The following PRKAR1B variants were observed in gnomAD, a reference collection of about 807,000 sequenced individuals.
PRKAR1B encodes the protein protein kinase cAMP-dependent type I regulatory subunit beta, also known as cAMP-dependent protein kinase type I-beta regulatory subunit.
Under a neutral mutation model 46.5 loss-of-function variants are expected in PRKAR1B, and 22 were observed. That is an observed-to-expected ratio of 0.47 (90% CI 0.34 to 0.68). The LOEUF is 0.68. Among genes scored for constraint, PRKAR1B ranks in the 30% least tolerant of loss-of-function variants. The pLI is 0.01. For synonymous variants in PRKAR1B, 259 were observed against 217.7 expected (o/e 1.19, Z -1.67); for missense variants, 445 against 535.6 (o/e 0.83, Z 1.67).
At chr7:619,659 G>T (rs1783008604) in intron 4 of PRKAR1B, among the ~76,000 whole-genome samples, 1 of 152,192 alleles carries the variant, frequency 6.6e-6, no homozygotes, top group African/African-American at 2.4e-5. Context: ...TCAGCTCTCG[G>T]CCCCACGCCA....
At chr7:610,208 G>A (rs563835003) in intron 4 of PRKAR1B, among the ~76,000 whole-genome samples, 127 of 152,286 alleles carry the variant, frequency 8.3e-4, no homozygotes, top group African/African-American at 2.9e-3. Flanking sequence ...CCAGTGACTC[G>A]AGGCTCACGT....
chr7:616,402 A>G (rs1782825946), intron 4 of PRKAR1B, among the ~76,000 whole-genome samples: 1 of 152,212 alleles, frequency 6.6e-6, no homozygotes, highest in Non-Finnish European at 1.5e-5. Context: ...TGTGCCCACC[A>G]GGCCTGCCTG....
intron 9 of PRKAR1B, among the ~76,000 whole-genome samples, chr7:558,339 A>AC (rs1233914887): frequency 6.6e-6 from 1 of 151,236 alleles, no homozygotes; most frequent in East Asian, 1.9e-4. Context: ...AAAAAAAAAA[A>AC]AAAAAAAAGG....
intron 4 of PRKAR1B, among the ~76,000 whole-genome samples, chr7:619,638 T>C (rs1783007209): frequency 6.6e-6 from 1 of 152,232 alleles, no homozygotes; most frequent in Non-Finnish European, 1.5e-5. Context: ...CATGTGTGCC[T>C]GCACCTCCTC....
chr7:620,239 T>A (rs1235739668), intron 4 of PRKAR1B, among the ~76,000 whole-genome samples: 1 of 152,196 alleles, frequency 6.6e-6, no homozygotes, highest in Non-Finnish European at 1.5e-5. Context: ...GAGATTAATG[T>A]GAGGGAGAAA....
At chr7:679,851 G>C (rs190357144) in intron 3 of PRKAR1B, among the ~76,000 whole-genome samples, 1 of 152,228 alleles carries the variant, frequency 6.6e-6, no homozygotes, top group African/African-American at 2.4e-5. Context: ...AATGGGATTT[G>C]TGCCTGTATA....
chr7:695,030 CAAAAA>C (rs924223625), intron 2 of PRKAR1B, among the ~76,000 whole-genome samples: 1 of 78,574 alleles, frequency 1.3e-5, no homozygotes. Flanking sequence ...GACTCCGTCT[CAAAAA>C]AAAAAAAAAA....
chr7:727,508 C>T (rs1447599222), upstream of PRKAR1B: 1 of 309,526 alleles, frequency 3.2e-6, no homozygotes, highest in East Asian at 5.1e-5. Flanking sequence ...GCCCCCTCCT[C>T]CCACCACCAC....
At chr7:712,238 A>C in intron 1 of PRKAR1B, among the ~76,000 whole-genome samples, 1 of 138,918 alleles carries the variant, frequency 7.2e-6, no homozygotes, top group African/African-American at 2.7e-5. Context: ...CCCGCCCCAA[A>C]CCCGGCCTCA....
rs548830236 is a variant in PRKAR1B at position 571,855 on chromosome 7, C to G, written c.891+7401G>C. On this transcript the variant is annotated intron_variant, in intron 9 of 10. Coordinates refer to ENST00000537384, the MANE Select transcript of PRKAR1B (RefSeq NM_001164760.2). ...TCCCGTCCGCGGTGAGGTGACGGAA[C>G]AGCTGGACCGTCCCCGCCTCCGGGA... is the stretch of plus-strand genomic sequence containing the variant. Among the ~76,000 whole-genome samples, 8 of 152,344 alleles carry G rather than the reference C, an allele frequency of 5.3e-5. No individual in the cohort carries two copies. The South Asian group carries it at 1.2e-3, about 24-fold the overall frequency.
At chr7:562,248 C>T (rs540318450) in intron 9 of PRKAR1B, among the ~76,000 whole-genome samples, 18 of 27,382 alleles carry the variant, frequency 6.6e-4, no homozygotes, top group South Asian at 2.2e-3. Flanking sequence ...GCCTGCCAGG[C>T]GGGGAGGTGG....
intron 4 of PRKAR1B, among the ~76,000 whole-genome samples, chr7:637,977 G>A (rs1456495851): frequency 1.3e-5 from 2 of 152,248 alleles, no homozygotes; most frequent in Admixed American, 1.3e-4. Context: ...TGAAGTGCAT[G>A]ACATAGAGGA....
intron 4 of PRKAR1B, among the ~76,000 whole-genome samples, chr7:665,308 G>T (rs1785842783): frequency 6.6e-6 from 1 of 152,194 alleles, no homozygotes; most frequent in Admixed American, 6.5e-5. Context: ...CCAGGTCAAA[G>T]TCCCAGCTTC....
intron 9 of PRKAR1B, among the ~76,000 whole-genome samples, chr7:562,802 T>C (rs1265027924): frequency 1.3e-5 from 2 of 152,168 alleles, no homozygotes; most frequent in South Asian, 2.1e-4. Flanking sequence ...ATGGGGTCCA[T>C]GCCCCCCAAC....
At position 677,303 on chromosome 7, in the gene PRKAR1B, G is replaced by C; in HGVS notation, c.366C>G (p.Tyr122Ter). 6.2e-7 allele frequency: 1 copy of C among 1,614,258 alleles called. No homozygotes were observed. Among genetic ancestry groups the C allele is most frequent in the Non-Finnish European group, 8.5e-7 (1 of 1,180,038 alleles). The change falls in exon 4 of 11, where the codon TAC becomes TAG. Residue 122 changes from tyrosine (Y) to a stop codon, truncating the protein, a stop_gained. Coordinates refer to ENST00000537384, the MANE Select transcript of PRKAR1B (RefSeq NM_001164760.2). LOFTEE classifies it high-confidence loss of function. ...CCTTGGCCAGCGCAGTCATGGTTTT[G>C]TAGTCCTTGGGAATCACCTGAAGCG... ...SYVRKVIPKDYKTMTALAKAI... is the reference protein window; with the variant it reads ...SYVRKVIPKD
intron 2 of PRKAR1B, among the ~76,000 whole-genome samples, chr7:701,997 G>A (rs1158211859): frequency 6.6e-6 from 1 of 152,166 alleles, no homozygotes; most frequent in Non-Finnish European, 1.5e-5. Flanking sequence ...TTAAATTACT[G>A]AAAATACGTG....
intron 4 of PRKAR1B, among the ~76,000 whole-genome samples, chr7:648,687 C>CA (rs1481311758): frequency 2.0e-5 from 3 of 152,106 alleles, no homozygotes; most frequent in Non-Finnish European, 4.4e-5. Context: ...GAAGCTGAGG[C>CA]AGAAGAGTCA....
chr7:614,980 G>A (rs1197512816), intron 4 of PRKAR1B, among the ~76,000 whole-genome samples: 1 of 152,200 alleles, frequency 6.6e-6, no homozygotes, highest in Non-Finnish European at 1.5e-5. Flanking sequence ...GGGAGGCTGA[G>A]GCAGGAGGAT....
Position 699,837 on chromosome 7 carries a change from G to T in PRKAR1B, c.177+11492C>A, listed in dbSNP as rs114199301. On this transcript the variant is annotated intron_variant, in intron 2 of 10. Transcript: ENST00000537384. Reference sequence around the variant, plus strand: ...TTAGGAGAGCACTGGAAAGGTTTGGGAAGGTTTTAAGAAGGGGGAGCAGTT... The same window carrying T: ...TTAGGAGAGCACTGGAAAGGTTTGGTAAGGTTTTAAGAAGGGGGAGCAGTT... Among the ~76,000 whole-genome samples, 885 of 152,274 alleles carry T rather than the reference G, an allele frequency of 5.8e-3. 10 individuals carry two copies. Among genetic ancestry groups the T allele is most frequent in the African/African-American group, 0.02 (835 of 41,564 alleles).
Sources: gnomAD v4.1 joint callset for allele counts (sites outside exome capture counted in the v4.1 genomes callset) on GRCh38, gnomAD v4.1.1 for gene constraint, MANE v1.5 for transcripts, NCBI Gene and HGNC (gene_info 2026-07-23, HGNC 2026-07-21) for gene names.